The following SUCLG2 variants were observed in gnomAD, a reference collection of about 807,000 sequenced individuals.
SUCLG2 encodes succinate--CoA ligase [GDP-forming] subunit beta, mitochondrial.
SUCLG2 carries 42 observed loss-of-function variants against 47.9 expected under a neutral mutation model. The ratio of observed to expected loss-of-function variants is 0.88; its 90% CI spans 0.69 to 1.14. The LOEUF is 1.14. Among genes scored for constraint, SUCLG2 ranks in the 50% most tolerant of loss-of-function variants. The probability of loss-of-function intolerance (pLI) is 0.00; values close to 1 mark genes in which losing one functional copy is unlikely to be tolerated. For missense variants in SUCLG2, 571 were observed against 525.9 expected (o/e 1.09, Z -0.84); for synonymous variants, 195 against 197.3 (o/e 0.99, Z 0.10).
At chr3:67,522,523 T>C (rs1174134647) in intron 4 of SUCLG2, among the ~76,000 whole-genome samples, 1 of 152,048 alleles carries the variant, frequency 6.6e-6, no homozygotes, top group African/African-American at 2.4e-5. Context: ...TCAAAGTGCT[T>C]GAGAGAGGTT....
chr3:67,370,080 T>A (rs971948835), downstream of SUCLG2, among the ~76,000 whole-genome samples: 1 of 152,204 alleles, frequency 6.6e-6, no homozygotes, highest in Non-Finnish European at 1.5e-5. Context: ...GCGAATATTT[T>A]ACAAATTTTT....
intron 1 of SUCLG2, among the ~76,000 whole-genome samples, chr3:67,642,717 T>TG (rs1447242780): frequency 3.3e-5 from 5 of 152,174 alleles, no homozygotes; most frequent in Admixed American, 2.6e-4. Context: ...CCTCCTCAAG[T>TG]GCACAGCACC....
chr3:67,392,911 C>T (rs1702424401), intron 10 of SUCLG2, among the ~76,000 whole-genome samples: 2 of 151,926 alleles, frequency 1.3e-5, no homozygotes, highest in African/African-American at 2.4e-5. Flanking sequence ...AACTCCTGGG[C>T]TCAAACAATC....
chr3:67,367,413 T>C (rs1701891426), intron 10 of SUCLG2, among the ~76,000 whole-genome samples: 1 of 152,218 alleles, frequency 6.6e-6, no homozygotes, highest in Admixed American at 6.5e-5. Flanking sequence ...TGTATCTTTT[T>C]AAATTTAATA....
intron 9 of SUCLG2, among the ~76,000 whole-genome samples, chr3:67,425,155 G>A (rs538399675): frequency 6.6e-6 from 1 of 152,048 alleles, no homozygotes. Context: ...AATTTACTTT[G>A]TTTTTCTAAT....
chr3:67,480,290 A>G (rs1305671037), intron 9 of SUCLG2, among the ~76,000 whole-genome samples: 1 of 152,206 alleles, frequency 6.6e-6, no homozygotes, highest in African/African-American at 2.4e-5. Context: ...AGGAGGAGCT[A>G]TAGAGCTGTA....
At chr3:67,574,035 C>T (rs1485787502) in intron 2 of SUCLG2, among the ~76,000 whole-genome samples, 1 of 152,186 alleles carries the variant, frequency 6.6e-6, no homozygotes, top group Non-Finnish European at 1.5e-5. Context: ...TGACAGTTCT[C>T]AGCTACTGGA....
chr3:67,517,875 G>A (rs932671039), intron 6 of SUCLG2, among the ~76,000 whole-genome samples: 3 of 152,060 alleles, frequency 2.0e-5, no homozygotes, highest in African/African-American at 7.2e-5. Flanking sequence ...AGCCTCTCGG[G>A]AGTTGTCATC....
chr3:67,600,095 T>C (rs1708384367), intron 2 of SUCLG2, among the ~76,000 whole-genome samples: 2 of 152,250 alleles, frequency 1.3e-5, no homozygotes, highest in African/African-American at 4.8e-5. Context: ...GCTCATTTTC[T>C]TTAAAAATTA....
rs1249143229 is a variant in SUCLG2, at chr3:67,441,553, AC to A, written c.1063-40703del. 7.2e-5 allele frequency among the ~76,000 whole-genome samples: 11 copies of A among 152,126 alleles called. No homozygotes were observed. The South Asian group carries it at 1.7e-3, about 23-fold the overall frequency. On this transcript the variant is annotated intron_variant, in intron 9 of 10. Coordinates refer to ENST00000307227, the MANE Select transcript of SUCLG2 (RefSeq NM_003848.4). The stretch of plus-strand genomic sequence containing the variant: ...CCAACAGTTTGTAACCTCATGGGAG[AC>A]CCCTGGCCAGAACAACCCAGCTAAG...
At chr3:67,649,933 G>A (rs1333612982) in intron 1 of SUCLG2, among the ~76,000 whole-genome samples, 3 of 152,114 alleles carry the variant, frequency 2.0e-5, no homozygotes, top group African/African-American at 7.2e-5. Flanking sequence ...ACCAGGGTAC[G>A]AGGGCAGGAA....
chr3:67,460,471 A>G (rs1456565827), intron 9 of SUCLG2, among the ~76,000 whole-genome samples: 1 of 152,204 alleles, frequency 6.6e-6, no homozygotes, highest in African/African-American at 2.4e-5. Flanking sequence ...TTATGAAGAC[A>G]TGGACTTCAG....
intron 9 of SUCLG2, among the ~76,000 whole-genome samples, chr3:67,475,129 T>A (rs1325087630): frequency 6.6e-6 from 1 of 152,184 alleles, no homozygotes; most frequent in Non-Finnish European, 1.5e-5. Context: ...ATCAACAAAA[T>A]ATTACCCTAC....
chr3:67,450,128 A>G (rs1209280541), intron 9 of SUCLG2, among the ~76,000 whole-genome samples: 1 of 152,130 alleles, frequency 6.6e-6, no homozygotes, highest in Non-Finnish European at 1.5e-5. Flanking sequence ...TGCAGCCTTG[A>G]ACTCCTGGGC....
At chr3:67,605,892 C>T (rs115605306) in intron 2 of SUCLG2, among the ~76,000 whole-genome samples, 1 of 152,140 alleles carries the variant, frequency 6.6e-6, no homozygotes, top group African/African-American at 2.4e-5. Flanking sequence ...CAACATTGCT[C>T]ATTCCTCCAG....
intron 1 of SUCLG2, among the ~76,000 whole-genome samples, chr3:67,649,557 C>G (rs941307214): frequency 4.6e-5 from 7 of 152,148 alleles, no homozygotes; most frequent in Non-Finnish European, 8.8e-5. Context: ...TCCACCTCTC[C>G]CTTCTCCATA....
At chr3:67,568,176 G>T (rs187509944) in intron 2 of SUCLG2, among the ~76,000 whole-genome samples, 1 of 152,254 alleles carries the variant, frequency 6.6e-6, no homozygotes, top group Non-Finnish European at 1.5e-5. Flanking sequence ...ATGTACTGAA[G>T]AAAAGGGTAT....
At chr3:67,519,450 T>C (rs1706037108) in intron 5 of SUCLG2, among the ~76,000 whole-genome samples, 1 of 152,248 alleles carries the variant, frequency 6.6e-6, no homozygotes. Context: ...AGTTGAGTGA[T>C]GTTCTGTGAG....
chr3:67,583,831 C>T (rs1397130044), intron 2 of SUCLG2, among the ~76,000 whole-genome samples: 1 of 152,214 alleles, frequency 6.6e-6, no homozygotes, highest in African/African-American at 2.4e-5. Context: ...CTATACCTCT[C>T]TAAACTTCTC....
Sources: allele counts gnomAD v4.1 joint callset (sites outside exome capture counted in the v4.1 genomes callset), GRCh38; gene constraint gnomAD v4.1.1; transcripts MANE v1.5; gene names NCBI Gene and HGNC (gene_info 2026-07-23, HGNC 2026-07-21).